The following SCRN1 variants were observed in gnomAD, a reference collection of about 807,000 sequenced individuals.
SCRN1 encodes secernin 1.
A neutral mutation model predicts 43.3 loss-of-function variants in SCRN1; 19 were observed. That is an observed-to-expected ratio of 0.44 (90% confidence interval 0.31 to 0.64). SCRN1 has a LOEUF of 0.64. SCRN1 is among the 30% of genes least tolerant of loss of function. SCRN1 has a pLI of 0.09. For missense variants in SCRN1, 447 were observed against 524.1 expected, an observed-to-expected ratio of 0.85 and a Z score of 1.44; for synonymous variants, 183 against 188.9, an observed-to-expected ratio of 0.97 and a Z score of 0.26.
intron 6 of SCRN1, among the ~76,000 whole-genome samples, chr7:29,928,310 A>G (rs1227758357): frequency 3.3e-5 from 5 of 152,080 alleles, no homozygotes; most frequent in African/African-American, 7.2e-5. Context: ...ATCCCTGCGG[A>G]TTCATAACAT....
intron 5 of SCRN1, among the ~76,000 whole-genome samples, chr7:29,940,280 G>A (rs1477590761): frequency 6.6e-6 from 1 of 152,166 alleles, no homozygotes; most frequent in Admixed American, 6.5e-5. Flanking sequence ...AAATTATACA[G>A]GCATCAAAAA....
chr7:29,925,183 CTTTTTA>C (rs1270125377), intron 7 of SCRN1, among the ~76,000 whole-genome samples: 15 of 152,076 alleles, frequency 9.9e-5, no homozygotes, highest in African/African-American at 3.6e-4. Context: ...ATCTGCCAGC[CTTTTTA>C]GGCTGGCAGG....
rs1050685006 is a variant in SCRN1, at chr7:29,920,206, A to T, written c.*3751T>A. 3 of 152,622 alleles carry T rather than the reference A, an allele frequency of 2.0e-5. No individual in the cohort carries two copies. Among genetic ancestry groups the T allele is most frequent in the Non-Finnish European group, 4.4e-5 (3 of 68,028 alleles). 9.5% of individuals were successfully genotyped at this position (152,622 alleles called of 1,614,324 possible). Reference sequence around the variant, plus strand: ...TATTATCTGCTTTGTAGATATTTGTACAAAAGACTGTTAAGACTACATGGC... The same window carrying T: ...TATTATCTGCTTTGTAGATATTTGTTCAAAAGACTGTTAAGACTACATGGC... On this transcript the variant is annotated 3_prime_UTR_variant, in exon 8 of 8. Transcript: ENST00000242059.
chr7:29,926,889 C>T (rs147335528), intron 6 of SCRN1, among the ~76,000 whole-genome samples: 44 of 152,210 alleles, frequency 2.9e-4, no homozygotes, highest in Admixed American at 3.9e-4. Flanking sequence ...TTCCTTTGTT[C>T]TGAACCATTT....
intron 1 of SCRN1, among the ~76,000 whole-genome samples, chr7:29,973,555 G>A (rs1788725404): frequency 6.6e-6 from 1 of 152,212 alleles, no homozygotes; most frequent in Non-Finnish European, 1.5e-5. Context: ...TAGAGGCCTG[G>A]AGAGGTGGGT....
intron 3 of SCRN1, among the ~76,000 whole-genome samples, chr7:29,952,417 T>C (rs908432942): frequency 4.6e-5 from 7 of 152,170 alleles, no homozygotes; most frequent in African/African-American, 1.7e-4. Flanking sequence ...GGGTGGGATG[T>C]GGTGGTCCAC....
upstream of SCRN1, chr7:29,989,877 C>G (rs532256519): frequency 1.3e-4 from 130 of 1,030,302 alleles, no homozygotes; most frequent in Non-Finnish European, 1.4e-4. Context: ...CCGCCTCCCC[C>G]ACCCCGGCCC....
chr7:29,938,783 T>A (rs962573663), intron 5 of SCRN1, among the ~76,000 whole-genome samples: 6 of 152,224 alleles, frequency 3.9e-5, no homozygotes, highest in African/African-American at 1.2e-4. Context: ...AATAAATACA[T>A]GGGTAAATCT....
intron 1 of SCRN1, among the ~76,000 whole-genome samples, chr7:29,986,455 C>T (rs966784847): frequency 6.6e-6 from 1 of 151,920 alleles, no homozygotes; most frequent in Non-Finnish European, 1.5e-5. Context: ...ATATTTTACA[C>T]TCAGCATATC....
chr7:29,934,402 A>T (rs1787254943), intron 6 of SCRN1, among the ~76,000 whole-genome samples: 2 of 152,178 alleles, frequency 1.3e-5, no homozygotes, highest in Non-Finnish European at 2.9e-5. Context: ...GACATCAGGG[A>T]CAACAGGAGT....
At chr7:29,952,841 G>A (rs1321399490) in intron 3 of SCRN1, among the ~76,000 whole-genome samples, 1 of 152,174 alleles carries the variant, frequency 6.6e-6, no homozygotes, top group East Asian at 1.9e-4. Context: ...CACTTAAGGT[G>A]CAGATGCCTG....
chr7:29,938,317 C>A (rs1787410660), intron 5 of SCRN1, among the ~76,000 whole-genome samples: 1 of 152,250 alleles, frequency 6.6e-6, no homozygotes, highest in Non-Finnish European at 1.5e-5. Flanking sequence ...CGGGCATGAG[C>A]CACCGCACCC....
At chr7:29,933,034 G>A (rs1157790083) in intron 6 of SCRN1, among the ~76,000 whole-genome samples, 3 of 151,876 alleles carry the variant, frequency 2.0e-5, no homozygotes, top group African/African-American at 7.2e-5. Flanking sequence ...GCACCACCAC[G>A]CCTGGCTAAT....
At chr7:29,971,018 C>T (rs1788651496) in intron 1 of SCRN1, among the ~76,000 whole-genome samples, 1 of 152,218 alleles carries the variant, frequency 6.6e-6, no homozygotes, top group Non-Finnish European at 1.5e-5. Context: ...CCTGGCATTA[C>T]AGGCACTCAA....
intron 1 of SCRN1, among the ~76,000 whole-genome samples, chr7:29,972,688 T>A (rs1405494600): frequency 2.6e-5 from 4 of 152,144 alleles, no homozygotes; most frequent in Non-Finnish European, 5.9e-5. Flanking sequence ...AGGCTAACAG[T>A]CCATTAATTT....
At chr7:29,983,116 C>T (rs868449886) in intron 1 of SCRN1, among the ~76,000 whole-genome samples, 2 of 152,150 alleles carry the variant, frequency 1.3e-5, no homozygotes, top group East Asian at 3.9e-4. Context: ...GGATTACAGG[C>T]ATGAGCCATC....
chr7:29,967,066 A>C (rs921162792), intron 2 of SCRN1, among the ~76,000 whole-genome samples: 3 of 152,194 alleles, frequency 2.0e-5, no homozygotes, highest in Non-Finnish European at 4.4e-5. Context: ...TATTTTGTGA[A>C]GCACAGAGCA....
At chr7:29,943,788 T>C (rs2128090703) in intron 4 of SCRN1, among the ~76,000 whole-genome samples, 189 bp downstream of exon 4, 1 of 152,278 alleles carries the variant, frequency 6.6e-6, no homozygotes, top group South Asian at 2.1e-4. Context: ...TCACTCCAGG[T>C]TCAGGAGACT....
At chr7:29,949,279 C>A (rs62459591) in intron 3 of SCRN1, among the ~76,000 whole-genome samples, 1 of 149,770 alleles carries the variant, frequency 6.7e-6, no homozygotes, top group African/African-American at 2.5e-5. Flanking sequence ...GGTGCCACTG[C>A]ACTCCAGCCT....
Sources: gnomAD v4.1 joint callset for allele counts (sites outside exome capture counted in the v4.1 genomes callset) on GRCh38, gnomAD v4.1.1 for gene constraint, MANE v1.5 for transcripts, NCBI Gene and HGNC (gene_info 2026-07-23, HGNC 2026-07-21) for gene names.